ACSM3: variants seen among roughly 807,000 people sequenced by gnomAD.
ACSM3 encodes acyl-coenzyme A synthetase ACSM3, mitochondrial.
A neutral mutation model predicts 74.1 loss-of-function variants in ACSM3; 61 were observed. The observed-to-expected ratio is 0.82, with a 90% confidence interval of 0.67 to 1.02. The LOEUF (loss-of-function observed/expected upper bound fraction) is 1.02. ACSM3 is among the 50% of genes least tolerant of loss of function. The pLI, the probability that ACSM3 is intolerant of heterozygous loss-of-function variation, is 0.00. For missense variants in ACSM3, 660 were observed against 697.0 expected (o/e 0.95, Z 0.60); for synonymous variants, 213 against 241.5 (o/e 0.88, Z 1.09).
intron 1 of ACSM3, chr16:20,721,920 ATAAC>A (rs979779121): frequency 2.6e-5 from 4 of 152,350 alleles, no homozygotes; most frequent in African/African-American, 7.2e-5. Context: ...GATAAGGAAA[ATAAC>A]TAAATATTTG....
At chr16:20,776,926 CTG>C (rs1409920334) in intron 3 of ACSM3, among the ~76,000 whole-genome samples, 1 of 152,226 alleles carries the variant, frequency 6.6e-6, no homozygotes. Flanking sequence ...GTGTACAGTT[CTG>C]GAGTCAGGCT....
intron 1 of ACSM3, among the ~76,000 whole-genome samples, chr16:20,694,570 C>T (rs1445793646): frequency 1.3e-5 from 2 of 152,098 alleles, no homozygotes; most frequent in East Asian, 1.9e-4. Flanking sequence ...GTCTATATGA[C>T]CTCAGGGTCT....
chr16:20,788,899 G>A (rs1292206237), intron 9 of ACSM3, among the ~76,000 whole-genome samples: 1 of 152,142 alleles, frequency 6.6e-6, no homozygotes, highest in African/African-American at 2.4e-5. Flanking sequence ...TTAAAGAGAA[G>A]TTTTTACGCT....
intron 1 of ACSM3, among the ~76,000 whole-genome samples, chr16:20,677,254 G>T (rs2020344750): frequency 6.6e-6 from 1 of 151,046 alleles, no homozygotes; most frequent in Non-Finnish European, 1.5e-5. Flanking sequence ...CTTGACTCAG[G>T]CCCCAGCTTT....
At chr16:20,793,339 C>G (rs1202255731) in intron 12 of ACSM3, among the ~76,000 whole-genome samples, 1 of 152,094 alleles carries the variant, frequency 6.6e-6, no homozygotes, top group African/African-American at 2.4e-5. Context: ...CATGGTGGCA[C>G]ACGCCTGTAA....
chr16:20,792,816 G>A (rs1364010948), intron 12 of ACSM3: 2 of 606,210 alleles, frequency 3.3e-6, no homozygotes, highest in African/African-American at 4.0e-5. Context: ...GAGATTTCAG[G>A]AAATAAACTC....
intron 1 of ACSM3, among the ~76,000 whole-genome samples, chr16:20,730,823 G>T (rs2079825458): frequency 1.3e-5 from 2 of 152,134 alleles, no homozygotes; most frequent in Non-Finnish European, 2.9e-5. Flanking sequence ...CGACCTTATA[G>T]AGATAGATCA....
rs1291143140 is a variant in ACSM3, at chr16:20,790,779, G to C, written c.1326+91G>C. 1.9e-6 allele frequency: 3 copies of C among 1,613,102 alleles called. No homozygotes were observed. In the African/African-American group the frequency reaches 4.0e-5, roughly 22 times the overall value. On this transcript the variant is annotated intron_variant, in intron 10 of 13. Coordinates refer to ENST00000289416, the MANE Select transcript of ACSM3 (RefSeq NM_005622.4). This position sits in a 1 kb window ranked among gnomAD's most constrained non-coding sequence, Gnocchi z 4.0. Reference sequence around the variant, plus strand: ...TTGCCACAAAACATACCTAGGATAGGTACTTGACCCTTTCTTGAGAGATTG... The same window carrying C: ...TTGCCACAAAACATACCTAGGATAGCTACTTGACCCTTTCTTGAGAGATTG...
chr16:20,743,160 A>C (rs537095561), intron 1 of ACSM3, among the ~76,000 whole-genome samples: 1 of 151,818 alleles, frequency 6.6e-6, no homozygotes, highest in African/African-American at 2.4e-5. Flanking sequence ...GGATGGTCTC[A>C]ATCTCCTGAC....
chr16:20,730,687 GAGC>G (rs766273210), intron 1 of ACSM3, among the ~76,000 whole-genome samples: 2 of 152,144 alleles, frequency 1.3e-5, no homozygotes, highest in Admixed American at 6.5e-5. Flanking sequence ...TTCAGCTGAA[GAGC>G]AGAAGTAACC....
chr16:20,784,111 T>C (rs1446325136), intron 7 of ACSM3, among the ~76,000 whole-genome samples: 1 of 152,180 alleles, frequency 6.6e-6, no homozygotes, highest in Non-Finnish European at 1.5e-5. Flanking sequence ...TGGCCTTTCC[T>C]TCTCTATTAT....
intron 1 of ACSM3, among the ~76,000 whole-genome samples, chr16:20,705,331 C>G (rs1213401927): frequency 1.3e-5 from 2 of 150,798 alleles, no homozygotes; most frequent in Non-Finnish European, 2.9e-5. Context: ...AGAGAGAGAG[C>G]CACTGCACTC....
rs367601507 is a variant in ACSM3, at chr16:20,777,244, T to C, written c.431-129T>C. 3 of 858,642 alleles carry C rather than the reference T, an allele frequency of 3.5e-6. No individual in the cohort carries two copies. The East Asian group carries it at 8.1e-5, about 23-fold the overall frequency. 53.2% of individuals were successfully genotyped at this position (858,642 alleles called of 1,614,324 possible). A position where few individuals can be genotyped will look rare whatever the true frequency, so the allele number is the denominator to read the frequency against. Reference sequence around the variant, plus strand: ...AGCAGATAAGTGAAAGCAAGATAAATAGATATCTTCCTGGTAAACTGACTA... The same window carrying C: ...AGCAGATAAGTGAAAGCAAGATAAACAGATATCTTCCTGGTAAACTGACTA... On this transcript the variant is annotated intron_variant, in intron 3 of 13. Coordinates refer to ENST00000289416, the MANE Select transcript of ACSM3 (RefSeq NM_005622.4).
At chr16:20,774,917 T>C (rs567309742) in intron 2 of ACSM3, among the ~76,000 whole-genome samples, 1 of 152,296 alleles carries the variant, frequency 6.6e-6, no homozygotes, top group South Asian at 2.1e-4. Flanking sequence ...ACAAAGCGGC[T>C]CTGCCACTAG....
At chr16:20,694,725 T>C (rs903912033) in intron 1 of ACSM3, among the ~76,000 whole-genome samples, 1 of 152,208 alleles carries the variant, frequency 6.6e-6, no homozygotes, top group Non-Finnish European at 1.5e-5. Flanking sequence ...CCCCCATGAA[T>C]GTATGTGGTG....
At position 20,797,507 on chromosome 16, in the gene ACSM3, G is replaced by A. The variant is rs2080743693; in HGVS notation, c.*535G>A. Reference sequence around the variant, plus strand: ...AAAAATAGTTTAGACTTGTTTCAAGGTCTAACTATAAAAGAAGGATCATAT... The same window carrying A: ...AAAAATAGTTTAGACTTGTTTCAAGATCTAACTATAAAAGAAGGATCATAT... On this transcript the variant is annotated 3_prime_UTR_variant, in exon 14 of 14. Transcript: ENST00000289416. 1.7e-6 allele frequency: 2 copies of A among 1,149,466 alleles called. No individual in the cohort carries two copies. The highest frequency in any genetic ancestry group is 8.9e-5 in the Admixed American group (2 of 22,472). 71.2% of individuals were successfully genotyped at this position (1,149,466 alleles called of 1,614,324 possible). A position where few individuals can be genotyped will look rare whatever the true frequency, so the allele number is the denominator to read the frequency against.
rs2080738715 is a variant in ACSM3 at position 20,797,145 on chromosome 16, G to C, written c.*173G>C. 1 of 1,353,674 alleles carries C rather than the reference G, an allele frequency of 7.4e-7. No homozygotes were observed. Among genetic ancestry groups the C allele is most frequent in the South Asian group, 1.9e-5 (1 of 52,228 alleles). The allele number at this position is 1,353,674 out of a possible 1,614,324, so 83.9% of individuals were successfully genotyped here. A position where few individuals can be genotyped will look rare whatever the true frequency, so the allele number is the denominator to read the frequency against. ...GCTAAATTTTGAAATAAAATATTTG[G>C]CAAATTCCTCCACATTAGTGTCAAT... On this transcript the variant is annotated 3_prime_UTR_variant, in exon 14 of 14. Coordinates refer to ENST00000289416, the MANE Select transcript of ACSM3 (RefSeq NM_005622.4).
chr16:20,689,865 T>C (rs1347439902), intron 1 of ACSM3, among the ~76,000 whole-genome samples: 1 of 152,138 alleles, frequency 6.6e-6, no homozygotes, highest in East Asian at 1.9e-4. Context: ...AAATAATGGA[T>C]TGTGAAATCA....
chr16:20,705,380 A>G lies in ACSM3; in HGVS notation c.-190+30558A>G, dbSNP rs563394084. Among the ~76,000 whole-genome samples, 204 of 152,104 alleles carry G rather than the reference A, an allele frequency of 1.3e-3. 2 individuals carry two copies. The highest frequency in any genetic ancestry group is 4.5e-3 in the African/African-American group (186 of 41,482). On this transcript the variant is annotated intron_variant, in intron 1 of 3. Transcript: ENST00000561584. ...AGAGCGAGACTCCGTCTCAGAAAAA[A>G]AAAAAAAAACAACTTCAGAATGCAT...
Sources: allele counts gnomAD v4.1 joint callset (sites outside exome capture counted in the v4.1 genomes callset), GRCh38; gene constraint gnomAD v4.1.1; non-coding constraint Gnocchi (gnomAD v3.1); transcripts MANE v1.5; gene names NCBI Gene and HGNC (gene_info 2026-07-23, HGNC 2026-07-21).